ACOT12: variants seen among roughly 807,000 people sequenced by gnomAD.
ACOT12 encodes the protein acetyl-coenzyme A thioesterase.
ACOT12 carries 51 observed loss-of-function variants against 67.7 expected under a neutral mutation model. That is an observed-to-expected ratio of 0.75 (90% CI 0.60 to 0.95). The LOEUF is 0.95. ACOT12 is among the 40% of genes least tolerant of loss of function. The pLI is 0.00. For synonymous variants in ACOT12, 251 were observed against 244.6 expected, an observed-to-expected ratio of 1.03 and a Z score of -0.24; for missense variants, 734 against 708.1, an observed-to-expected ratio of 1.04 and a Z score of -0.41.
intron 2 of ACOT12, among the ~76,000 whole-genome samples, chr5:81,379,554 C>A (rs1267584082): frequency 6.6e-6 from 1 of 152,058 alleles, no homozygotes; most frequent in Non-Finnish European, 1.5e-5. Flanking sequence ...TGAGCAGTAA[C>A]CCCATGAGGT....
Position 81,345,998 on chromosome 5 carries a change from C to G in ACOT12, c.660G>C (p.Leu220=). 2 of 1,613,868 alleles carry G rather than the reference C, an allele frequency of 1.2e-6. No individual in the cohort carries two copies. The highest frequency in any genetic ancestry group is 1.7e-6 in the Non-Finnish European group (2 of 1,179,832). The change falls in exon 7 of 15, where the codon CTG becomes CTC. Residue 220 remains leucine (L), a synonymous_variant. Coordinates refer to ENST00000307624, the MANE Select transcript of ACOT12 (RefSeq NM_130767.3). ...ETVATISASR[L]CWAHPFLKSV... ...ACTTCAGAAAGGGATGAGCCCAACA[C>G]AGGCGGCTGGGGAGACAAAGGGAGG...
the ACOT12 span, chr5:81,313,279 G>GT: frequency 1.3e-5 from 2 of 152,092 alleles, no homozygotes; most frequent in African/African-American, 4.8e-5. Flanking sequence ...CAGGGATTTG[G>GT]TTTTTGTTTT....
At chr5:81,372,572 C>T in intron 2 of ACOT12, among the ~76,000 whole-genome samples, 1 of 152,198 alleles carries the variant, frequency 6.6e-6, no homozygotes. Context: ...CTTGTTGGCT[C>T]TGCCTCATCA....
chr5:81,342,903 C>T (rs1759245793), intron 10 of ACOT12, 148 bp from the exon 11 acceptor site: 1 of 819,964 alleles, frequency 1.2e-6, no homozygotes, highest in Non-Finnish European at 1.9e-6. Flanking sequence ...AACTACAGGC[C>T]AGGTGAAGTG....
At chr5:81,370,068 G>C (rs1489101221) in intron 3 of ACOT12, among the ~76,000 whole-genome samples, 2 of 152,176 alleles carry the variant, frequency 1.3e-5, no homozygotes, top group East Asian at 3.9e-4. Flanking sequence ...AGATCATGAG[G>C]TCAGAAGATT....
intron 5 of ACOT12, among the ~76,000 whole-genome samples, chr5:81,349,417 T>C (rs1394563368): frequency 1.3e-5 from 2 of 152,176 alleles, no homozygotes; most frequent in Admixed American, 6.5e-5. Context: ...CTGGTCTTTT[T>C]TCACTTCCTC....
intron 1 of ACOT12, among the ~76,000 whole-genome samples, chr5:81,386,137 G>A (rs1444910807): frequency 6.6e-6 from 1 of 152,192 alleles, no homozygotes; most frequent in Non-Finnish European, 1.5e-5. Context: ...GTAAGTTGGT[G>A]CTGACTTTAA....
At chr5:81,391,531 A>AT (rs986691099) in intron 1 of ACOT12, among the ~76,000 whole-genome samples, 19 of 152,142 alleles carry the variant, frequency 1.2e-4, no homozygotes, top group African/African-American at 4.3e-4. Context: ...TCTGTGGGAG[A>AT]TTTTTTAGTA....
the ACOT12 span, among the ~76,000 whole-genome samples, chr5:81,321,196 C>T: frequency 6.6e-6 from 1 of 152,142 alleles, no homozygotes; most frequent in Non-Finnish European, 1.5e-5. Context: ...GTCAAGGCTG[C>T]AGTAAGCTAA....
At chr5:81,353,881 T>C (rs1307319995) in intron 5 of ACOT12, among the ~76,000 whole-genome samples, 1 of 152,208 alleles carries the variant, frequency 6.6e-6, no homozygotes, top group African/African-American at 2.4e-5. Context: ...TCTAAAAACA[T>C]GGTACAAGAA....
At chr5:81,341,636 G>T (rs1050067305) in intron 11 of ACOT12, among the ~76,000 whole-genome samples, 5 of 152,186 alleles carry the variant, frequency 3.3e-5, no homozygotes, top group Non-Finnish European at 7.4e-5. Flanking sequence ...AGTGCCAGGC[G>T]CTCCTATGGT....
chr5:81,352,872 C>T (rs771286156), intron 5 of ACOT12, among the ~76,000 whole-genome samples: 2 of 152,106 alleles, frequency 1.3e-5, no homozygotes, highest in Non-Finnish European at 2.9e-5. Context: ...ACTGTGTACC[C>T]ACAGAAATTG....
At chr5:81,379,088 C>A (rs1005554408) in intron 2 of ACOT12, among the ~76,000 whole-genome samples, 2 of 152,086 alleles carry the variant, frequency 1.3e-5, no homozygotes, top group Non-Finnish European at 2.9e-5. Context: ...CCCAAATGCC[C>A]ATCAATGATA....
At chr5:81,327,857 A>G (rs1051304306), downstream of ACOT12, among the ~76,000 whole-genome samples, 2 of 152,204 alleles carry the variant, frequency 1.3e-5, no homozygotes, top group South Asian at 4.1e-4. Context: ...TGACACTCCA[A>G]AGAAAAAAAT....
intron 11 of ACOT12, among the ~76,000 whole-genome samples, chr5:81,339,457 C>T (rs1378883264): frequency 6.6e-6 from 1 of 152,204 alleles, no homozygotes; most frequent in Non-Finnish European, 1.5e-5. Flanking sequence ...CCTGTCAGGC[C>T]AGTCTCCTAC....
chr5:81,346,086 A>G, intron 6 of ACOT12, 82 bp from the exon 7 acceptor site: 1 of 1,563,928 alleles, frequency 6.4e-7, no homozygotes, highest in South Asian at 1.2e-5. Flanking sequence ...GTCTTCAAAT[A>G]AGCATTTCTT....
chr5:81,336,028 T>G (rs1269632093), intron 11 of ACOT12, 127 bp from the exon 12 acceptor site: 3 of 1,005,330 alleles, frequency 3.0e-6, no homozygotes, highest in African/African-American at 3.9e-5. Flanking sequence ...TGGATGAAAT[T>G]GAAGCCCCAT....
At chr5:81,392,239 G>A (rs1209923501) in intron 1 of ACOT12, among the ~76,000 whole-genome samples, 3 of 152,158 alleles carry the variant, frequency 2.0e-5, no homozygotes, top group Admixed American at 1.3e-4. Flanking sequence ...AAAAAACTCT[G>A]AGAAAATCCC....
chr5:81,353,935 A>G (rs1430128446), intron 5 of ACOT12, among the ~76,000 whole-genome samples: 6 of 152,234 alleles, frequency 3.9e-5, no homozygotes, highest in Non-Finnish European at 7.3e-5. Context: ...ACAATGTCCT[A>G]TCAAAAACCA....
Sources: allele counts gnomAD v4.1 joint callset (sites outside exome capture counted in the v4.1 genomes callset), GRCh38; gene constraint gnomAD v4.1.1; transcripts MANE v1.5; gene names NCBI Gene and HGNC (gene_info 2026-07-23, HGNC 2026-07-21).